Variants in CLIP2 observed in about 807,000 individuals in gnomAD.
CLIP2 encodes the protein CAP-Gly domain-containing linker protein 2.
CLIP2 carries 41 observed loss-of-function variants against 111.7 expected under a neutral mutation model. The ratio of observed to expected loss-of-function variants is 0.37; its 90% CI spans 0.29 to 0.48. The LOEUF (loss-of-function observed/expected upper bound fraction) is 0.48, where lower values mean the gene tolerates loss of function less well. Ranked by LOEUF, CLIP2 falls within the 20% of genes least tolerant of loss-of-function variation. CLIP2 has a pLI of 0.99. For synonymous variants in CLIP2, 660 were observed against 644.2 expected (o/e 1.02, Z -0.37); for missense variants, 1,160 against 1,422.1 (o/e 0.82, Z 2.96).
intron 10 of CLIP2, among the ~76,000 whole-genome samples, chr7:74,379,090 G>A (rs1000573488): frequency 1.3e-5 from 2 of 152,220 alleles, no homozygotes; most frequent in Non-Finnish European, 2.9e-5. Flanking sequence ...ATGGGGGACA[G>A]AGGCCTGAGG....
intron 3 of CLIP2, among the ~76,000 whole-genome samples, chr7:74,349,525 A>T (rs1293138959): frequency 7.1e-6 from 1 of 141,774 alleles, no homozygotes; most frequent in Admixed American, 7.3e-5. Context: ...AATAAAAATT[A>T]AAAATCAGTG....
At chr7:74,304,224 CT>C (rs1307631373) in intron 1 of CLIP2, among the ~76,000 whole-genome samples, 1 of 151,490 alleles carries the variant, frequency 6.6e-6, no homozygotes, top group African/African-American at 2.4e-5. Flanking sequence ...CTTTATTTTT[CT>C]TTTAAAAAAA....
rs1006431627 is a variant in CLIP2 at position 74,296,175 on chromosome 7, T to C, written c.-68+6441T>C. Reference sequence around the variant, plus strand: ...GGAGGAACCAGGGAGAAGACAGCCATCTACACGCCAAGGAGAGAGGCCTCC... The same window carrying C: ...GGAGGAACCAGGGAGAAGACAGCCACCTACACGCCAAGGAGAGAGGCCTCC... On this transcript the variant is annotated intron_variant, in intron 1 of 16. Coordinates refer to ENST00000223398, the MANE Select transcript of CLIP2 (RefSeq NM_003388.5). Among the ~76,000 whole-genome samples the C allele has an allele frequency of 2.4e-4, 36 of 151,672 alleles. 1 individual carries two copies. The highest frequency in any genetic ancestry group is 8.5e-4 in the African/African-American group (35 of 41,282).
intron 3 of CLIP2, among the ~76,000 whole-genome samples, chr7:74,350,495 A>G (rs1584350695): frequency 6.6e-6 from 1 of 152,100 alleles, no homozygotes; most frequent in African/African-American, 2.4e-5. Flanking sequence ...GGCATGAGCC[A>G]CCATCTTTGG....
At chr7:74,331,457 A>G (rs1030634766) in intron 2 of CLIP2, among the ~76,000 whole-genome samples, 1 of 151,696 alleles carries the variant, frequency 6.6e-6, no homozygotes, top group African/African-American at 2.4e-5. Context: ...TGTTGGGTGT[A>G]AGGTCCTGGA....
rs1789924822 is a variant in CLIP2, at chr7:74,349,695, T to C, written c.679-4185T>C. On this transcript the variant is annotated intron_variant, in intron 3 of 16. Coordinates refer to ENST00000223398, the MANE Select transcript of CLIP2 (RefSeq NM_003388.5). ...TGGAGTGCAATGGCACAATCTCGGC[T>C]CACTGCAACCTCTGCCTCACAGGTT... 2.6e-5 allele frequency among the ~76,000 whole-genome samples: 4 copies of C among 151,128 alleles called. No homozygotes were observed. The South Asian group carries it at 8.4e-4, about 32-fold the overall frequency.
At chr7:74,331,660 G>C (rs997254680) in intron 2 of CLIP2, among the ~76,000 whole-genome samples, 2 of 135,486 alleles carry the variant, frequency 1.5e-5, no homozygotes, top group African/African-American at 2.8e-5. Flanking sequence ...TGCAGCCTCT[G>C]CCTCCTGGGT....
intron 13 of CLIP2, among the ~76,000 whole-genome samples, chr7:74,395,179 A>G (rs1476090250): frequency 1.3e-5 from 2 of 149,250 alleles, no homozygotes; most frequent in African/African-American, 4.9e-5. Context: ...TTTTTTTCTG[A>G]GACGGAGTTT....
intron 9 of CLIP2, among the ~76,000 whole-genome samples, chr7:74,375,245 C>T (rs537151635): frequency 3.4e-5 from 5 of 148,016 alleles, no homozygotes; most frequent in East Asian, 2.1e-4. Flanking sequence ...GCTAGACCCC[C>T]GTCTCTTTTA....
chr7:74,371,658 A>G (rs115094678), intron 8 of CLIP2, among the ~76,000 whole-genome samples: 1,612 of 126,970 alleles, frequency 0.013, 30 homozygotes, highest in African/African-American at 0.046. Context: ...GGAGGGAGAG[A>G]GGGAAAAAGA....
intron 1 of CLIP2, among the ~76,000 whole-genome samples, chr7:74,298,685 A>G (rs1010373818): frequency 5.9e-5 from 9 of 151,870 alleles, no homozygotes; most frequent in African/African-American, 9.7e-5. Context: ...GGCACGTGCC[A>G]CCACACCCAG....
chr7:74,340,042 C>G (rs1161000964), intron 3 of CLIP2, among the ~76,000 whole-genome samples: 2 of 152,036 alleles, frequency 1.3e-5, no homozygotes, highest in Admixed American at 1.3e-4. Flanking sequence ...TGCAGTGAGC[C>G]AAGATAGTGC....
At chr7:74,397,357 G>A in intron 14 of CLIP2, 124 bp downstream of exon 14, 20 of 1,070,592 alleles carry the variant, frequency 1.9e-5, no homozygotes, top group Non-Finnish European at 2.5e-5. Context: ...CTGAGTCATG[G>A]TGAGGATTTG....
At chr7:74,396,861 C>G (rs1195874086) in intron 13 of CLIP2, among the ~76,000 whole-genome samples, 2 of 151,922 alleles carry the variant, frequency 1.3e-5, no homozygotes, top group Non-Finnish European at 2.9e-5. Context: ...TAGGAAAGGT[C>G]AAGTCCTCAG....
At chr7:74,346,640 T>A (rs782329662) in intron 3 of CLIP2, among the ~76,000 whole-genome samples, 3 of 150,368 alleles carry the variant, frequency 2.0e-5, no homozygotes, top group African/African-American at 7.4e-5. Flanking sequence ...GGACAGTCAC[T>A]TGAACCTGGG....
chr7:74,373,630 G>A (rs534855673), intron 9 of CLIP2, among the ~76,000 whole-genome samples: 10 of 152,266 alleles, frequency 6.6e-5, no homozygotes, highest in East Asian at 1.9e-4. Flanking sequence ...AGCTGAGAAC[G>A]TCCTGTGAGA....
At chr7:74,364,981 G>A (rs1169216618) in intron 8 of CLIP2, 5 of 413,280 alleles carry the variant, frequency 1.2e-5, no homozygotes, top group East Asian at 1.4e-4. Context: ...CTATGATTGC[G>A]CCTGTTTTTT....
At chr7:74,334,412 C>T (rs1339704814) in intron 2 of CLIP2, among the ~76,000 whole-genome samples, 1 of 152,210 alleles carries the variant, frequency 6.6e-6, no homozygotes, top group East Asian at 1.9e-4. Context: ...GAGAGATTAC[C>T]TGAGGGTCCG....
intron 8 of CLIP2, among the ~76,000 whole-genome samples, chr7:74,372,014 T>G (rs908080957): frequency 2.6e-5 from 4 of 152,124 alleles, no homozygotes; most frequent in Non-Finnish European, 5.9e-5. Context: ...CTTTAACCCC[T>G]TCTCTCCTGG....
Sources: gnomAD v4.1 joint callset for allele counts (sites outside exome capture counted in the v4.1 genomes callset) on GRCh38, gnomAD v4.1.1 for gene constraint, MANE v1.5 for transcripts, NCBI Gene and HGNC (gene_info 2026-07-23, HGNC 2026-07-21) for gene names.